Variants in MTMR2 observed in about 807,000 individuals in gnomAD.
MTMR2 encodes phosphatidylinositol-3,5-bisphosphate 3-phosphatase MTMR2.
A neutral mutation model predicts 86.9 loss-of-function variants in MTMR2; 55 were observed. The observed-to-expected ratio is 0.63, with a 90% CI of 0.51 to 0.79. The LOEUF (loss-of-function observed/expected upper bound fraction) is 0.79. MTMR2 is among the 30% of genes least tolerant of loss of function. The pLI is 0.00. For synonymous variants in MTMR2, 241 were observed against 266.8 expected (o/e 0.90, Z 0.94); for missense variants, 659 against 772.3 (o/e 0.85, Z 1.74).
At chr11:95,871,254 G>A (rs1305836565) in intron 2 of MTMR2, among the ~76,000 whole-genome samples, 1 of 152,192 alleles carries the variant, frequency 6.6e-6, no homozygotes, top group African/African-American at 2.4e-5. Context: ...TATATACCCA[G>A]TAATGGGATG....
intron 2 of MTMR2, among the ~76,000 whole-genome samples, chr11:95,883,954 G>A (rs994666930): frequency 6.6e-6 from 1 of 152,104 alleles, no homozygotes; most frequent in Admixed American, 6.6e-5. Context: ...CTATTTAAAA[G>A]CTATTACTAA....
chr11:95,870,727 T>C (rs1033487548), intron 2 of MTMR2, among the ~76,000 whole-genome samples: 26 of 135,628 alleles, frequency 1.9e-4, no homozygotes, highest in African/African-American at 8.1e-4. Context: ...AAGGTTCTTT[T>C]TTTCTTTTTC....
intron 1 of MTMR2, among the ~76,000 whole-genome samples, chr11:95,903,123 A>G (rs963757650): frequency 6.6e-6 from 1 of 151,824 alleles, no homozygotes; most frequent in African/African-American, 2.4e-5. Flanking sequence ...TACCTCAGCC[A>G]TTCACCTCAA....
At chr11:95,873,266 T>C (rs902072283) in intron 2 of MTMR2, among the ~76,000 whole-genome samples, 2 of 152,222 alleles carry the variant, frequency 1.3e-5, no homozygotes, top group Non-Finnish European at 2.9e-5. Context: ...AAGCTATTAA[T>C]TATTGCCTCA....
In MTMR2 at chr11:95,923,867, C is replaced by T. The variant is rs1867028752; in HGVS notation, c.80+8G>A. The T allele has an allele frequency of 1.3e-6, 2 of 1,552,122 alleles. No individual in the cohort carries two copies. Among genetic ancestry groups the T allele is most frequent in the Non-Finnish European group, 1.7e-6 (2 of 1,147,656 alleles). On this transcript the variant is annotated splice_region_variant and intron_variant, in intron 1 of 14. Coordinates refer to ENST00000346299, the MANE Select transcript of MTMR2 (RefSeq NM_016156.6). ...GACGCTGGGCGGGGCCCTGGGCGTC[C>T]TGGTTACCTGGACAAGGAGTCCACG...
At chr11:95,876,765 C>T (rs1234926995) in intron 2 of MTMR2, among the ~76,000 whole-genome samples, 1 of 152,008 alleles carries the variant, frequency 6.6e-6, no homozygotes, top group Non-Finnish European at 1.5e-5. Flanking sequence ...TTCAAACTGC[C>T]CAGTAATTTT....
chr11:95,881,442 T>C (rs532683106), intron 2 of MTMR2, among the ~76,000 whole-genome samples: 5 of 146,566 alleles, frequency 3.4e-5, no homozygotes, highest in Non-Finnish European at 1.5e-5. Flanking sequence ...TTAACAGATA[T>C]ATTTGAAAAT....
intron 1 of MTMR2, among the ~76,000 whole-genome samples, chr11:95,900,294 T>C (rs1311244902): frequency 6.6e-6 from 1 of 152,114 alleles, no homozygotes; most frequent in Non-Finnish European, 1.5e-5. Flanking sequence ...AGGTGACAGC[T>C]AAATCAAATC....
At chr11:95,893,427 C>A (rs144728577) in intron 1 of MTMR2, among the ~76,000 whole-genome samples, 2 of 152,084 alleles carry the variant, frequency 1.3e-5, no homozygotes, top group Admixed American at 1.3e-4. Flanking sequence ...AGTAGAGACA[C>A]CCAGACCCTC....
At position 95,844,416 on chromosome 11, in the gene MTMR2, G is replaced by A. The variant is rs567584336; in HGVS notation, c.1386+537C>T. ...TCCACTTATATGCAGATTTGTTTCAGCCAAATGCAGGATGCGGAACCCACA... is the reference window on the plus strand; with the variant it reads ...TCCACTTATATGCAGATTTGTTTCAACCAAATGCAGGATGCGGAACCCACA... On this transcript the variant is annotated intron_variant, in intron 11 of 14. Transcript: ENST00000346299. Among the ~76,000 whole-genome samples the A allele has an allele frequency of 7.0e-4, 107 of 152,242 alleles. 1 individual carries two copies. Among genetic ancestry groups the A allele is most frequent in the African/African-American group, 2.5e-3 (103 of 41,552 alleles).
At chr11:95,864,522 G>C (rs1186240797) in intron 3 of MTMR2, among the ~76,000 whole-genome samples, 1 of 152,124 alleles carries the variant, frequency 6.6e-6, no homozygotes, top group Non-Finnish European at 1.5e-5. Context: ...AAATGGGGTT[G>C]ATGTTATTCT....
intron 7 of MTMR2, among the ~76,000 whole-genome samples, chr11:95,856,019 A>T (rs1328141609): frequency 1.3e-5 from 2 of 152,192 alleles, no homozygotes; most frequent in African/African-American, 4.8e-5. Flanking sequence ...ATCTCAATTT[A>T]AAAAAAAGAA....
At chr11:95,878,973 A>G (rs1352115780) in intron 2 of MTMR2, among the ~76,000 whole-genome samples, 1 of 152,174 alleles carries the variant, frequency 6.6e-6, no homozygotes, top group Non-Finnish European at 1.5e-5. Flanking sequence ...TAGTATTCAT[A>G]TGCCCATTTA....
chr11:95,861,212 T>A (rs1160325168), intron 5 of MTMR2, among the ~76,000 whole-genome samples: 2 of 150,918 alleles, frequency 1.3e-5, no homozygotes, highest in African/African-American at 4.9e-5. Flanking sequence ...ATGATGAATA[T>A]AACATATTTA....
At chr11:95,906,128 G>T in intron 1 of MTMR2, among the ~76,000 whole-genome samples, 1 of 152,156 alleles carries the variant, frequency 6.6e-6, no homozygotes, top group East Asian at 1.9e-4. Context: ...AGGAGGCTGA[G>T]GCACGAGAAT....
intron 10 of MTMR2, 131 bp downstream of exon 10, chr11:95,847,583 T>C: frequency 1.2e-6 from 1 of 821,076 alleles, no homozygotes; most frequent in Non-Finnish European, 2.1e-6. Context: ...TAGTTCCAAG[T>C]ATCAAAGCAT....
chr11:95,877,362 T>A (rs867567366), intron 2 of MTMR2, among the ~76,000 whole-genome samples: 49 of 145,138 alleles, frequency 3.4e-4, no homozygotes, highest in East Asian at 1.6e-3. Flanking sequence ...TTTTTTTTTT[T>A]TATATAACAC....
intron 2 of MTMR2, among the ~76,000 whole-genome samples, chr11:95,869,977 C>T (rs1003874305): frequency 9.2e-5 from 14 of 152,054 alleles, no homozygotes; most frequent in Admixed American, 7.2e-4. Context: ...TTGGGTTGTA[C>T]AGGTGTATGC....
At chr11:95,904,032 T>C (rs1344784447) in intron 1 of MTMR2, among the ~76,000 whole-genome samples, 1 of 152,084 alleles carries the variant, frequency 6.6e-6, no homozygotes, top group Non-Finnish European at 1.5e-5. Context: ...GGAGAATCAC[T>C]TGAACCCGGG....
Sources: gnomAD v4.1 joint callset for allele counts (sites outside exome capture counted in the v4.1 genomes callset) on GRCh38, gnomAD v4.1.1 for gene constraint, MANE v1.5 for transcripts, NCBI Gene and HGNC (gene_info 2026-07-23, HGNC 2026-07-21) for gene names.